Variants in B3GAT2 observed in about 807,000 individuals in gnomAD.
The protein encoded by B3GAT2 is galactosylgalactosylxylosylprotein 3-beta-glucuronosyltransferase 2.
B3GAT2 carries 26 observed loss-of-function variants against 27.8 expected under a neutral mutation model. The observed-to-expected ratio is 0.93, with a 90% CI of 0.68 to 1.30. The LOEUF is 1.30. Among genes scored for constraint, B3GAT2 ranks in the 50% most tolerant of loss-of-function variants. The pLI, the probability that B3GAT2 is intolerant of heterozygous loss-of-function variation, is 0.00. For missense variants in B3GAT2, 458 were observed against 459.0 expected, an observed-to-expected ratio of 1.00 and a Z score of 0.02; for synonymous variants, 218 against 195.1, an observed-to-expected ratio of 1.12 and a Z score of -0.98.
intron 1 of B3GAT2, among the ~76,000 whole-genome samples, chr6:70,908,437 T>C (rs1465255630): frequency 6.6e-6 from 1 of 152,198 alleles, no homozygotes; most frequent in Non-Finnish European, 1.5e-5. Context: ...GAGAAGTACC[T>C]TGTGCTGAAT....
chr6:70,871,529 T>C (rs930684880), intron 2 of B3GAT2, among the ~76,000 whole-genome samples: 11 of 151,106 alleles, frequency 7.3e-5, no homozygotes, highest in African/African-American at 2.7e-4. Flanking sequence ...TGCAATACAA[T>C]TTTTTAAAGT....
At chr6:70,911,682 A>C (rs1036821176) in intron 1 of B3GAT2, among the ~76,000 whole-genome samples, 2 of 152,168 alleles carry the variant, frequency 1.3e-5, no homozygotes, top group African/African-American at 2.4e-5. Flanking sequence ...TTCTGTGAAA[A>C]ATATCACTGG....
chr6:70,877,301 A>C lies in B3GAT2; in HGVS notation c.737-15323T>G, dbSNP rs140255417. Among the ~76,000 whole-genome samples the C allele has an allele frequency of 2.0e-5, 3 of 152,194 alleles. No individual in the cohort carries two copies. In the South Asian group the frequency reaches 6.2e-4, roughly 32 times the overall value. ...ACACTGGGACAAAGAAGGAGCTTACATCAGAACCTGGAAGGCATTTCACTC... is the reference window on the plus strand; with the variant it reads ...ACACTGGGACAAAGAAGGAGCTTACCTCAGAACCTGGAAGGCATTTCACTC... On this transcript the variant is annotated intron_variant, in intron 2 of 3. Transcript: ENST00000230053.
rs576033538 is a variant in B3GAT2, at chr6:70,909,651, T to C, written c.592-15379A>G. Reference sequence around the variant, plus strand: ...GCTTAGCACACTGCTTGGCATCAGATAATACAGAATAAATGATGTGTATTT... The same window carrying C: ...GCTTAGCACACTGCTTGGCATCAGACAATACAGAATAAATGATGTGTATTT... On this transcript the variant is annotated intron_variant, in intron 1 of 3. Coordinates refer to ENST00000230053, the MANE Select transcript of B3GAT2 (RefSeq NM_080742.3). Among the ~76,000 whole-genome samples the C allele has an allele frequency of 3.3e-5, 5 of 152,330 alleles. No homozygotes were observed. In the South Asian group the frequency reaches 8.3e-4, roughly 25 times the overall value.
At chr6:70,886,157 G>C (rs567709327) in intron 2 of B3GAT2, among the ~76,000 whole-genome samples, 1 of 152,202 alleles carries the variant, frequency 6.6e-6, no homozygotes, top group Non-Finnish European at 1.5e-5. Flanking sequence ...CAGGCTCAGA[G>C]ACCAAGAACT....
rs146668062 is a variant in B3GAT2 at position 70,877,172 on chromosome 6, C to A, written c.737-15194G>T. On this transcript the variant is annotated intron_variant, in intron 2 of 3. Coordinates refer to ENST00000230053, the MANE Select transcript of B3GAT2 (RefSeq NM_080742.3). ...TGAGGTAGAGAGACCAGCAAAGTGT[C>A]TGCTGCACTAGATGGTTCAGGTAAG... is the stretch of plus-strand genomic sequence containing the variant. Among the ~76,000 whole-genome samples the A allele has an allele frequency of 1.5e-3, 229 of 152,306 alleles. 1 individual carries two copies. Among genetic ancestry groups the A allele is most frequent in the Non-Finnish European group, 1.6e-3 (106 of 68,026 alleles).
chr6:70,896,127 T>G (rs1401808571), intron 1 of B3GAT2, among the ~76,000 whole-genome samples: 2 of 152,148 alleles, frequency 1.3e-5, no homozygotes, highest in African/African-American at 4.8e-5. Flanking sequence ...TGGGTTTCCC[T>G]GGGTATAATC....
At chr6:70,936,208 C>A (rs1765278372) in intron 1 of B3GAT2, among the ~76,000 whole-genome samples, 1 of 152,028 alleles carries the variant, frequency 6.6e-6, no homozygotes, top group Admixed American at 6.6e-5. Flanking sequence ...GCTAACTATC[C>A]TAAATATAAA....
At chr6:70,863,965 A>T (rs568659082) in intron 2 of B3GAT2, among the ~76,000 whole-genome samples, 1 of 152,288 alleles carries the variant, frequency 6.6e-6, no homozygotes, top group East Asian at 1.9e-4. Flanking sequence ...CAGAGGTTCA[A>T]ATTGATAACG....
chr6:70,904,167 C>T (rs1772557669), intron 1 of B3GAT2, among the ~76,000 whole-genome samples: 1 of 152,094 alleles, frequency 6.6e-6, no homozygotes, highest in African/African-American at 2.4e-5. Flanking sequence ...ATTCCACTTA[C>T]ATGAAATTCT....
intron 2 of B3GAT2, among the ~76,000 whole-genome samples, chr6:70,876,405 A>C (rs1772014192): frequency 6.6e-6 from 1 of 152,196 alleles, no homozygotes; most frequent in African/African-American, 2.4e-5. Flanking sequence ...GAAGGACGGT[A>C]GTTGAGTAAA....
chr6:70,922,997 A>C (rs1366353750), intron 1 of B3GAT2, among the ~76,000 whole-genome samples: 2 of 152,190 alleles, frequency 1.3e-5, no homozygotes, highest in East Asian at 3.8e-4. Flanking sequence ...AACAACATCA[A>C]TGTACCATGT....
At position 70,860,419 on chromosome 6, in the gene B3GAT2, T is replaced by C; in HGVS notation, c.*1244A>G. ...TAGTTCCCCTGTTTATTCATATGCA[T>C]ATTTTTTTTCTTTTTACCCATTTGT... On this transcript the variant is annotated 3_prime_UTR_variant, in exon 4 of 4. Coordinates refer to ENST00000230053, the MANE Select transcript of B3GAT2 (RefSeq NM_080742.3). 1 of 1,487,176 alleles carries C rather than the reference T, an allele frequency of 6.7e-7. No homozygotes were observed. The highest frequency in any genetic ancestry group is 2.3e-5 in the Admixed American group (1 of 43,512). The allele number at this position is 1,487,176 out of a possible 1,614,324, so 92.1% of individuals were successfully genotyped here.
In B3GAT2 at chr6:70,859,358, G is replaced by A; in HGVS notation, c.*2305C>T. 2 of 1,548,180 alleles carry A rather than the reference G, an allele frequency of 1.3e-6. No homozygotes were observed. Among genetic ancestry groups the A allele is most frequent in the Non-Finnish European group, 1.7e-6 (2 of 1,145,490 alleles). ...TGCAGAAGGGTGATGCTGTTCTCCA[G>A]CACTCCATCAGTGCAATCTACTGGC... On this transcript the variant is annotated 3_prime_UTR_variant, in exon 4 of 4. Transcript: ENST00000230053.
intron 1 of B3GAT2, among the ~76,000 whole-genome samples, chr6:70,923,760 ATTC>A (rs1772909259): frequency 1.3e-5 from 2 of 152,212 alleles, no homozygotes; most frequent in South Asian, 4.1e-4. Context: ...TGTGTGTGCT[ATTC>A]TTATACATTT....
intron 2 of B3GAT2, among the ~76,000 whole-genome samples, chr6:70,873,027 G>A (rs1771961578): frequency 6.6e-6 from 1 of 152,000 alleles, no homozygotes; most frequent in Non-Finnish European, 1.5e-5. Context: ...TACATTTTGT[G>A]CTCCTCAAAC....
chr6:70,897,558 G>A (rs1772409149), intron 1 of B3GAT2, among the ~76,000 whole-genome samples: 1 of 151,378 alleles, frequency 6.6e-6, no homozygotes. Flanking sequence ...GGCCAACATG[G>A]TGAAACCCCG....
chr6:70,879,644 T>C (rs1238549462), intron 2 of B3GAT2, among the ~76,000 whole-genome samples: 1 of 152,080 alleles, frequency 6.6e-6, no homozygotes, highest in East Asian at 1.9e-4. Flanking sequence ...TGGCTAATAG[T>C]GCAGGTGCAC....
At chr6:70,872,524 T>C (rs1168993639) in intron 2 of B3GAT2, among the ~76,000 whole-genome samples, 1 of 147,850 alleles carries the variant, frequency 6.8e-6, no homozygotes, top group African/African-American at 2.5e-5. Flanking sequence ...TTTTTTTTGG[T>C]TCCTGTTAGC....
Sources: gnomAD v4.1 joint callset for allele counts (sites outside exome capture counted in the v4.1 genomes callset) on GRCh38, gnomAD v4.1.1 for gene constraint, MANE v1.5 for transcripts, NCBI Gene and HGNC (gene_info 2026-07-23, HGNC 2026-07-21) for gene names.